MLLT10: variants seen among roughly 807,000 people sequenced by gnomAD.
MLLT10 encodes MLLT10 histone lysine methyltransferase DOT1L cofactor.
Under a neutral mutation model 129.1 loss-of-function variants are expected in MLLT10, and 30 were observed. The observed-to-expected ratio is 0.23, with a 90% CI of 0.17 to 0.32. MLLT10 has a LOEUF of 0.32. Among genes scored for constraint, MLLT10 ranks in the 10% least tolerant of loss-of-function variants. The pLI, the probability that MLLT10 is intolerant of heterozygous loss-of-function variation, is 1.00. For synonymous variants in MLLT10, 490 were observed against 446.4 expected, an observed-to-expected ratio of 1.10 and a Z score of -1.23; for missense variants, 1,119 against 1,268.3, an observed-to-expected ratio of 0.88 and a Z score of 1.79.
In MLLT10 at chr10:21,582,096, A is replaced by G. The variant is rs539339967; in HGVS notation, c.241-4198A>G. On this transcript the variant is annotated intron_variant, in intron 3 of 22. Transcript: ENST00000307729. ...AGACCACATTCATATAGCTTTTCTTATAGTACATTGTTATTTTTTTTTTTT... is the reference window on the plus strand; with the variant it reads ...AGACCACATTCATATAGCTTTTCTTGTAGTACATTGTTATTTTTTTTTTTT... Among the ~76,000 whole-genome samples, 8 of 151,714 alleles carry G rather than the reference A, an allele frequency of 5.3e-5. No individual in the cohort carries two copies. In the East Asian group the frequency reaches 1.4e-3, roughly 26 times the overall value.
At chr10:21,660,829 C>T (rs915183736) in intron 9 of MLLT10, among the ~76,000 whole-genome samples, 1 of 142,994 alleles carries the variant, frequency 7.0e-6, no homozygotes, top group African/African-American at 2.6e-5. Context: ...GCCAAGATAG[C>T]GTCATTGCGC....
intron 8 of MLLT10, among the ~76,000 whole-genome samples, chr10:21,638,493 A>G (rs534157956): frequency 6.6e-6 from 1 of 151,784 alleles, no homozygotes; most frequent in Admixed American, 6.6e-5. Flanking sequence ...TTTTCCTTTC[A>G]TGGGTCCAGG....
intron 13 of MLLT10, among the ~76,000 whole-genome samples, chr10:21,683,052 A>G (rs2052907596): frequency 6.6e-6 from 1 of 152,122 alleles, no homozygotes; most frequent in African/African-American, 2.4e-5. Flanking sequence ...CATTAACTTC[A>G]TGAAATCTTG....
Position 21,713,826 on chromosome 10 carries a change from C to T in MLLT10, c.1754C>T (p.Ser585Leu), listed in dbSNP as rs1292505072. ...AVSFPNVVSG[S>L]GSSTPVSSSH... is the part of the protein sequence containing the mutation. ...TCGTTTCCAAATGTAGTATCTGGCT[C>T]GGGATCTAGTACTCCTGTCTCCAGC... Residue 585 changes from serine (S) to leucine (L), a missense_variant, in exon 14 of 23, where the codon TCG becomes TTG. Ser to Leu is a moderately radical substitution (Grantham distance 145). Coordinates refer to ENST00000307729, the MANE Select transcript of MLLT10 (RefSeq NM_001195626.3). 6.8e-6 allele frequency: 11 copies of T among 1,613,952 alleles called. No homozygotes were observed. The highest frequency in any genetic ancestry group is 5.5e-5 in the South Asian group (5 of 91,060).
At chr10:21,567,252 G>A (rs537408458) in intron 3 of MLLT10, among the ~76,000 whole-genome samples, 1 of 152,320 alleles carries the variant, frequency 6.6e-6, no homozygotes, top group East Asian at 1.9e-4. Context: ...GAGTGTTGGT[G>A]CCACTTTGTT....
intron 14 of MLLT10, among the ~76,000 whole-genome samples, chr10:21,724,440 A>C (rs1331143585): frequency 6.6e-6 from 1 of 152,242 alleles, no homozygotes. Flanking sequence ...GTGTGCAGTT[A>C]TACATATCCA....
At chr10:21,581,954 T>C (rs2041502550) in intron 3 of MLLT10, among the ~76,000 whole-genome samples, 1 of 152,206 alleles carries the variant, frequency 6.6e-6, no homozygotes. Flanking sequence ...CTCTGTCATG[T>C]TACTATGGCT....
chr10:21,724,838 G>A (rs906127534), intron 14 of MLLT10, among the ~76,000 whole-genome samples: 5 of 152,160 alleles, frequency 3.3e-5, no homozygotes, highest in African/African-American at 1.2e-4. Context: ...TCTGTTTAAG[G>A]GTTCATTTTC....
chr10:21,664,125 G>C (rs954077357), intron 9 of MLLT10, among the ~76,000 whole-genome samples: 1 of 151,878 alleles, frequency 6.6e-6, no homozygotes, highest in African/African-American at 2.4e-5. Flanking sequence ...TTTCTTCTTT[G>C]ACCTATGAGT....
intron 5 of MLLT10, among the ~76,000 whole-genome samples, chr10:21,603,693 C>G (rs1369116252): frequency 1.3e-5 from 2 of 152,066 alleles, no homozygotes; most frequent in Non-Finnish European, 2.9e-5. Flanking sequence ...TTTCTTCTTA[C>G]AATTAAAGAG....
chr10:21,686,077 T>C (rs2053262252), intron 13 of MLLT10, among the ~76,000 whole-genome samples: 1 of 152,208 alleles, frequency 6.6e-6, no homozygotes, highest in South Asian at 2.1e-4. Flanking sequence ...TACATACTAC[T>C]TGTTTCATCA....
chr10:21,577,247 T>G (rs1410452576), intron 3 of MLLT10, among the ~76,000 whole-genome samples: 1 of 152,226 alleles, frequency 6.6e-6, no homozygotes, highest in Non-Finnish European at 1.5e-5. Flanking sequence ...TATACTACAT[T>G]TTCTTTACTC....
intron 9 of MLLT10, among the ~76,000 whole-genome samples, chr10:21,663,138 G>C (rs999888758): frequency 6.6e-6 from 1 of 152,118 alleles, no homozygotes; most frequent in African/African-American, 2.4e-5. Context: ...CTCTGTCTCC[G>C]GTATTCACTC....
intron 3 of MLLT10, among the ~76,000 whole-genome samples, chr10:21,560,549 A>G (rs1331455800): frequency 6.6e-6 from 1 of 151,954 alleles, no homozygotes; most frequent in East Asian, 1.9e-4. Context: ...CAGTTGTCTC[A>G]CCTAGACTCC....
chr10:21,577,079 G>C (rs1350354285), intron 3 of MLLT10, among the ~76,000 whole-genome samples: 1 of 152,126 alleles, frequency 6.6e-6, no homozygotes, highest in Admixed American at 6.6e-5. Context: ...CTTCATTTCT[G>C]TCTCTATCCC....
At chr10:21,570,984 T>A (rs190419928) in intron 3 of MLLT10, among the ~76,000 whole-genome samples, 4 of 152,336 alleles carry the variant, frequency 2.6e-5, no homozygotes, top group Admixed American at 2.0e-4. Flanking sequence ...GTGGCATTAT[T>A]GAGTTGCTTG....
chr10:21,707,594 GA>G (rs2055657163), intron 13 of MLLT10, among the ~76,000 whole-genome samples: 1 of 152,136 alleles, frequency 6.6e-6, no homozygotes, highest in Non-Finnish European at 1.5e-5. Flanking sequence ...TCCAGATTGT[GA>G]AATAGCCTCC....
Position 21,682,388 on chromosome 10 carries a change from A to G in MLLT10, c.1699+131A>G, listed in dbSNP as rs575409281. 32 of 739,020 alleles carry G rather than the reference A, an allele frequency of 4.3e-5. No homozygotes were observed. The African/African-American group carries it at 4.3e-4, about 10-fold the overall frequency. 45.8% of individuals were successfully genotyped at this position (739,020 alleles called of 1,614,324 possible). On this transcript the variant is annotated intron_variant, in intron 13 of 22. Coordinates refer to ENST00000307729, the MANE Select transcript of MLLT10 (RefSeq NM_001195626.3). ...CAGTGCTGCAGTGAGTCAATTGTTC[A>G]GCACCTTAGTGAAAAATTTTTGTAG... is the stretch of plus-strand genomic sequence containing the variant.
chr10:21,636,908 A>G (rs948334984), intron 8 of MLLT10, among the ~76,000 whole-genome samples: 5 of 152,252 alleles, frequency 3.3e-5, no homozygotes, highest in African/African-American at 1.2e-4. Context: ...AATAGGGAAC[A>G]GAATCAGCAG....
Sources: allele counts gnomAD v4.1 joint callset (sites outside exome capture counted in the v4.1 genomes callset), GRCh38; gene constraint gnomAD v4.1.1; transcripts MANE v1.5; gene names NCBI Gene and HGNC (gene_info 2026-07-23, HGNC 2026-07-21).